Variants in SMIM40 observed in about 807,000 individuals in gnomAD.
The protein encoded by SMIM40 is small integral membrane protein 40.
intron 1 of SMIM40, among the ~76,000 whole-genome samples, chr6:33,326,900 T>C (rs1382806013): frequency 6.7e-6 from 1 of 148,314 alleles, no homozygotes; most frequent in Non-Finnish European, 1.5e-5. Flanking sequence ...GGCAGGCAGA[T>C]CACCTGAGGT....
chr6:33,324,018 G>A lies in SMIM40; in HGVS notation c.*52C>T, dbSNP rs902477799. The A allele has an allele frequency of 1.3e-5, 2 of 152,370 alleles. No individual in the cohort carries two copies. The highest frequency in any genetic ancestry group is 4.8e-5 in the African/African-American group (2 of 41,562). The allele number at this position is 152,370 out of a possible 1,614,324, so 9.4% of individuals were successfully genotyped here. A position where few individuals can be genotyped will look rare whatever the true frequency, so the allele number is the denominator to read the frequency against. ...GAGGGACTCGTGGAGGCAAGGCTGG[G>A]TCCAGAGGTGAGCTTATGAGGAAAC... On this transcript the variant is annotated 3_prime_UTR_variant, in exon 2 of 3. Transcript: ENST00000494082.
intron 1 of SMIM40, among the ~76,000 whole-genome samples, chr6:33,326,411 C>G (rs1341976662): frequency 6.8e-6 from 1 of 147,580 alleles, no homozygotes; most frequent in African/African-American, 2.7e-5. Flanking sequence ...CTCCTGACCT[C>G]GTGATCCACC....
At chr6:33,326,722 G>A (rs1312243827) in intron 1 of SMIM40, among the ~76,000 whole-genome samples, 3 of 148,456 alleles carry the variant, frequency 2.0e-5, no homozygotes, top group Non-Finnish European at 2.9e-5. Context: ...CTATTTGGGA[G>A]CTGAGGCAGG....
At chr6:33,324,853 C>G (rs147018347) in intron 1 of SMIM40, among the ~76,000 whole-genome samples, 174 of 122,572 alleles carry the variant, frequency 1.4e-3, no homozygotes, top group African/African-American at 5.1e-3. Flanking sequence ...TCATTGCACT[C>G]CAGCCTGGGC....
intron 1 of SMIM40, among the ~76,000 whole-genome samples, chr6:33,328,779 A>C (rs1771369951): frequency 6.6e-6 from 1 of 151,428 alleles, no homozygotes; most frequent in African/African-American, 2.4e-5. Context: ...CCAGCTACTC[A>C]GGAGGCTGAG....
intron 1 of SMIM40, among the ~76,000 whole-genome samples, chr6:33,327,352 G>A (rs563472540): frequency 6.8e-6 from 1 of 146,476 alleles, no homozygotes; most frequent in African/African-American, 2.8e-5. Flanking sequence ...AACCCAGGAG[G>A]CGGAGATTTC....
In SMIM40 at chr6:33,324,882, C is replaced by CAAAAAAAAAAAAA. The variant is rs376451265; in HGVS notation, c.*40-865_*40-853dup. 2.8e-4 allele frequency among the ~76,000 whole-genome samples: 13 copies of CAAAAAAAAAAAAA among 47,244 alleles called. 1 individual carries two copies. Among genetic ancestry groups the CAAAAAAAAAAAAA allele is most frequent in the Admixed American group, 8.2e-4 (2 of 2,448 alleles). 31.0% of individuals were successfully genotyped at this position (47,244 alleles called of 152,430 possible). ...CCTGGGCGACAGAGCGAGATTATCT[C>CAAAAAAAAAAAAA]AAAAAAAAAAAAAAAAAAAAAAAAA... On this transcript the variant is annotated intron_variant, in intron 1 of 2. Coordinates refer to ENST00000494082, the MANE Select transcript of SMIM40 (RefSeq NM_001369203.1).
intron 1 of SMIM40, among the ~76,000 whole-genome samples, chr6:33,324,612 C>T (rs1399519723): frequency 7.4e-6 from 1 of 135,518 alleles, no homozygotes; most frequent in African/African-American, 2.8e-5. Flanking sequence ...CGGCCGGGCG[C>T]GATGGTTCAC....
intron 1 of SMIM40, among the ~76,000 whole-genome samples, chr6:33,325,789 C>T (rs1398494241): frequency 3.4e-5 from 5 of 145,772 alleles, no homozygotes; most frequent in African/African-American, 1.4e-4. Flanking sequence ...ACCCGGGAGG[C>T]GGAGCTTGCA....
At chr6:33,326,590 C>T (rs1202017305) in intron 1 of SMIM40, among the ~76,000 whole-genome samples, 2 of 149,234 alleles carry the variant, frequency 1.3e-5, no homozygotes, top group Admixed American at 6.6e-5. Context: ...TTTGGGAGGC[C>T]GAGGCGGGCA....
At chr6:33,324,545 C>CTTTTTTTTTTTTTTTTTTTCCCTTTTTTT (rs1771014602) in intron 1 of SMIM40, among the ~76,000 whole-genome samples, 1 of 103,216 alleles carries the variant, frequency 9.7e-6, no homozygotes, top group Non-Finnish European at 1.9e-5. Flanking sequence ...ACCACCTTTT[C>CTTTTTTTTTTTTTTTTTTTCCCTTTTTTT]TTTTTTTTTT....
intron 1 of SMIM40, among the ~76,000 whole-genome samples, chr6:33,327,188 G>A (rs1040277606): frequency 2.7e-5 from 4 of 149,126 alleles, no homozygotes; most frequent in South Asian, 2.1e-4. Flanking sequence ...TTGGGAGGCC[G>A]AGGCAGGCAG....
intron 1 of SMIM40, among the ~76,000 whole-genome samples, chr6:33,327,637 A>C (rs1172663588): frequency 6.6e-6 from 1 of 151,926 alleles, no homozygotes; most frequent in African/African-American, 2.4e-5. Flanking sequence ...AGGTGGGCGG[A>C]TCACTTGAGG....
At chr6:33,327,765 C>T (rs1771294539) in intron 1 of SMIM40, among the ~76,000 whole-genome samples, 1 of 146,664 alleles carries the variant, frequency 6.8e-6, no homozygotes, top group South Asian at 2.1e-4. Flanking sequence ...GGGCCTGAGG[C>T]AGGAGAATCG....
At chr6:33,328,053 T>C (rs979619215) in intron 1 of SMIM40, among the ~76,000 whole-genome samples, 21 of 149,384 alleles carry the variant, frequency 1.4e-4, no homozygotes, top group African/African-American at 4.7e-4. Flanking sequence ...ACCACTGCAC[T>C]GCAGCCTGGG....
chr6:33,328,251 C>T (rs983056614), intron 1 of SMIM40, among the ~76,000 whole-genome samples: 8 of 151,122 alleles, frequency 5.3e-5, no homozygotes, highest in East Asian at 2.0e-4. Flanking sequence ...TGCAATGGTG[C>T]GATCTCGGCT....
Position 33,328,979 on chromosome 6 carries a change from C to T in SMIM40, c.*39+8G>A. On this transcript the variant is annotated splice_region_variant and intron_variant, in intron 1 of 2. Coordinates refer to ENST00000494082, the MANE Select transcript of SMIM40 (RefSeq NM_001369203.1). ...ACACTCCCATTTCCCTCCTGTCTCC[C>T]CTCTCACCTCCTTGGTGGGGAAAGA... 1 of 398,284 alleles carries T rather than the reference C, an allele frequency of 2.5e-6. No homozygotes were observed. Among genetic ancestry groups the T allele is most frequent in the Non-Finnish European group, 4.4e-6 (1 of 226,004 alleles). The allele number at this position is 398,284 out of a possible 1,614,324, so 24.7% of individuals were successfully genotyped here. A position where few individuals can be genotyped will look rare whatever the true frequency, so the allele number is the denominator to read the frequency against.
In SMIM40 at chr6:33,326,591, G is replaced by A. The variant is rs540680008; in HGVS notation, c.*39+2396C>T. On this transcript the variant is annotated intron_variant, in intron 1 of 2. Coordinates refer to ENST00000494082, the MANE Select transcript of SMIM40 (RefSeq NM_001369203.1). ...TGTAATCCTACCACTTTGGGAGGCC[G>A]AGGCGGGCAGATCACTTGAGGTCAG... Among the ~76,000 whole-genome samples, 19 of 149,380 alleles carry A rather than the reference G, an allele frequency of 1.3e-4. 3 individuals carry two copies. The highest frequency in any genetic ancestry group is 4.6e-4 in the African/African-American group (18 of 38,876).
At chr6:33,324,545 C>CTTTTTTTTTTTTTTTTTTTTTTTTT in intron 1 of SMIM40, among the ~76,000 whole-genome samples, 1 of 103,216 alleles carries the variant, frequency 9.7e-6, no homozygotes, top group Non-Finnish European at 1.9e-5. Context: ...ACCACCTTTT[C>CTTTTTTTTTTTTTTTTTTTTTTTTT]TTTTTTTTTT....
Sources: gnomAD v4.1 joint callset for allele counts (sites outside exome capture counted in the v4.1 genomes callset) on GRCh38, gnomAD v4.1.1 for gene constraint, MANE v1.5 for transcripts, NCBI Gene and HGNC (gene_info 2026-07-23, HGNC 2026-07-21) for gene names.